Variants in BNC2 observed in about 807,000 individuals in gnomAD.
BNC2 encodes zinc finger protein basonuclin-2.
BNC2 carries 20 observed loss-of-function variants against 76.3 expected under a neutral mutation model. The ratio of observed to expected loss-of-function variants is 0.26; its 90% CI spans 0.18 to 0.38. The LOEUF (loss-of-function observed/expected upper bound fraction) is 0.38, where lower values mean the gene tolerates loss of function less well. BNC2 is among the 10% of genes least tolerant of loss of function. The pLI is 1.00. For missense variants in BNC2, 1,382 were observed against 1,399.8 expected (o/e 0.99, Z 0.20); for synonymous variants, 582 against 514.8 (o/e 1.13, Z -1.77).
At chr9:16,683,450 A>G (rs1378157233) in intron 3 of BNC2, among the ~76,000 whole-genome samples, 1 of 152,226 alleles carries the variant, frequency 6.6e-6, no homozygotes, top group Non-Finnish European at 1.5e-5. Context: ...CAAGAGGCCA[A>G]ACAGCAAAAC....
intron 1 of BNC2, among the ~76,000 whole-genome samples, chr9:16,845,487 C>A (rs903639034): frequency 6.6e-6 from 1 of 151,974 alleles, no homozygotes; most frequent in Non-Finnish European, 1.5e-5. Flanking sequence ...TTTGGGAGGC[C>A]AAGGCGGGCG....
intron 3 of BNC2, among the ~76,000 whole-genome samples, chr9:16,630,837 TC>T (rs1821142041): frequency 6.6e-6 from 1 of 150,432 alleles, no homozygotes; most frequent in Admixed American, 6.7e-5. Context: ...CCTCCCGGGT[TC>T]AAGCGATTCT....
chr9:16,607,092 A>G (rs1563860712), intron 3 of BNC2, among the ~76,000 whole-genome samples: 1 of 151,450 alleles, frequency 6.6e-6, no homozygotes, highest in Non-Finnish European at 1.5e-5. Flanking sequence ...GAACCACAGG[A>G]GTGTGCCACC....
rs1587004256 is a variant in BNC2 at position 16,417,779 on chromosome 9, A to G, written c.*1210T>C. ...AAATATTATCCTGCCTCTGAAGAATAAATGCCTTGGCTGTTTCACACCACA... is the reference window on the plus strand; with the variant it reads ...AAATATTATCCTGCCTCTGAAGAATGAATGCCTTGGCTGTTTCACACCACA... On this transcript the variant is annotated 3_prime_UTR_variant, in exon 7 of 7. Transcript: ENST00000380672. 6.5e-6 allele frequency: 1 copy of G among 152,696 alleles called. No individual in the cohort carries two copies. The highest frequency in any genetic ancestry group is 2.1e-4 in the South Asian group (1 of 4,836). 9.5% of individuals were successfully genotyped at this position (152,696 alleles called of 1,614,324 possible). A position where few individuals can be genotyped will look rare whatever the true frequency, so the allele number is the denominator to read the frequency against.
At chr9:16,537,528 T>C (rs1291243961) in intron 5 of BNC2, among the ~76,000 whole-genome samples, 1 of 151,432 alleles carries the variant, frequency 6.6e-6, no homozygotes, top group Non-Finnish European at 1.5e-5. Context: ...AAGAACACTG[T>C]AGAAAAATAA....
At chr9:16,540,458 TG>T (rs1337944370) in intron 5 of BNC2, among the ~76,000 whole-genome samples, 1 of 152,172 alleles carries the variant, frequency 6.6e-6, no homozygotes, top group Non-Finnish European at 1.5e-5. Context: ...TTACAATGGT[TG>T]GGCACATGAG....
chr9:16,782,811 C>T (rs73646252), intron 1 of BNC2, among the ~76,000 whole-genome samples: 3,350 of 152,288 alleles, frequency 0.022, 116 homozygotes, highest in African/African-American at 0.076. Flanking sequence ...CTACTATATC[C>T]ACTATCATTC....
chr9:16,663,893 T>A (rs1342051087), intron 3 of BNC2, among the ~76,000 whole-genome samples: 5 of 152,222 alleles, frequency 3.3e-5, no homozygotes, highest in African/African-American at 1.2e-4. Context: ...CTGTTAAACC[T>A]ATAGAAACTT....
chr9:16,614,459 T>C (rs1426753174), intron 3 of BNC2, among the ~76,000 whole-genome samples: 4 of 61,996 alleles, frequency 6.5e-5, no homozygotes, highest in African/African-American at 1.6e-4. Flanking sequence ...AAAAACCTTT[T>C]CTTGAAAAAA....
rs190494323 is a variant in BNC2, at chr9:16,429,764, G to A, written c.2639+5791C>T. On this transcript the variant is annotated intron_variant, in intron 6 of 6. Coordinates refer to ENST00000380672, the MANE Select transcript of BNC2 (RefSeq NM_017637.6). ...TTGCATCATGAAAAGGAAATCATTC[G>A]TCAGCCATGAAGCTTTGTGGTCTAT... The A allele has an allele frequency of 4.4e-4, 132 of 300,064 alleles. 1 individual carries two copies. The highest frequency in any genetic ancestry group is 8.8e-4 in the Admixed American group (22 of 24,924). 18.6% of individuals were successfully genotyped at this position (300,064 alleles called of 1,614,324 possible).
intron 3 of BNC2, among the ~76,000 whole-genome samples, chr9:16,676,989 G>A (rs1002223373): frequency 3.3e-5 from 5 of 152,086 alleles, no homozygotes; most frequent in African/African-American, 7.2e-5. Flanking sequence ...AATTTTCTGT[G>A]TTCTTTAGAT....
intron 2 of BNC2, among the ~76,000 whole-genome samples, chr9:16,733,551 CA>C (rs879401307): frequency 2.1e-4 from 31 of 144,426 alleles, no homozygotes; most frequent in African/African-American, 5.6e-4. Context: ...TCCTCCCGCC[CA>C]AAAAAAAAAG....
chr9:16,559,430 A>C (rs1006726551), intron 4 of BNC2, among the ~76,000 whole-genome samples: 9 of 152,248 alleles, frequency 5.9e-5, no homozygotes, highest in African/African-American at 2.2e-4. Flanking sequence ...TCAATTAAAA[A>C]GCATACAAAC....
chr9:16,557,853 TTG>T (rs1324746657), intron 4 of BNC2, among the ~76,000 whole-genome samples: 1 of 151,700 alleles, frequency 6.6e-6, no homozygotes, highest in Non-Finnish European at 1.5e-5. Flanking sequence ...TGTTTTTTTT[TTG>T]TTGTTGTTTG....
chr9:16,751,612 A>ATATATATG (rs369392436), intron 1 of BNC2, among the ~76,000 whole-genome samples: 71,437 of 140,588 alleles, frequency 0.51, 21,919 homozygotes, highest in Non-Finnish European at 0.7. Flanking sequence ...ACAAATATAT[A>ATATATATG]TATGTGTATA....
intron 3 of BNC2, among the ~76,000 whole-genome samples, chr9:16,667,103 A>ACG (rs1554703019): frequency 1.3e-5 from 2 of 151,302 alleles, no homozygotes; most frequent in East Asian, 3.9e-4. Flanking sequence ...ACACACACAC[A>ACG]CACACGCACA....
chr9:16,665,470 G>GAAAGAAAT (rs1554702458), intron 3 of BNC2, among the ~76,000 whole-genome samples: 180 of 143,198 alleles, frequency 1.3e-3, no homozygotes, highest in African/African-American at 4.4e-3. Context: ...AAGAAAGAAA[G>GAAAGAAAT]AAAGAAAGAA....
chr9:16,566,017 G>A (rs867659591), intron 4 of BNC2, among the ~76,000 whole-genome samples: 2 of 152,102 alleles, frequency 1.3e-5, no homozygotes, highest in Admixed American at 6.6e-5. Flanking sequence ...TTCTCAGAAC[G>A]TTTACTTTCA....
chr9:16,498,817 A>G (rs1413729992), intron 5 of BNC2, among the ~76,000 whole-genome samples: 2 of 152,134 alleles, frequency 1.3e-5, no homozygotes, highest in African/African-American at 4.8e-5. Context: ...GTCCAGCTCT[A>G]CCACTGATTC....
Sources: gnomAD v4.1 joint callset for allele counts (sites outside exome capture counted in the v4.1 genomes callset) on GRCh38, gnomAD v4.1.1 for gene constraint, MANE v1.5 for transcripts, NCBI Gene and HGNC (gene_info 2026-07-23, HGNC 2026-07-21) for gene names.